DCC: variants seen among roughly 807,000 people sequenced by gnomAD.
DCC encodes the protein DCC netrin 1 receptor.
A neutral mutation model predicts 172.5 loss-of-function variants in DCC; 58 were observed. The observed-to-expected ratio is 0.34, with a 90% CI of 0.27 to 0.42. The LOEUF (loss-of-function observed/expected upper bound fraction) is 0.42. Among genes scored for constraint, DCC ranks in the 10% least tolerant of loss-of-function variants. The pLI is 1.00. For missense variants in DCC, 1,740 were observed against 1,791.0 expected, an observed-to-expected ratio of 0.97 and a Z score of 0.51; for synonymous variants, 709 against 644.5, an observed-to-expected ratio of 1.10 and a Z score of -1.52.
At chr18:53,039,063 C>A (rs564506028) in intron 5 of DCC, among the ~76,000 whole-genome samples, 1 of 152,088 alleles carries the variant, frequency 6.6e-6, no homozygotes, top group East Asian at 1.9e-4. Context: ...TTAACTGATT[C>A]ATTTCATCTT....
Position 52,906,433 on chromosome 18 carries a change from T to C in DCC, c.697+105T>C, listed in dbSNP as rs181871372. The C allele has an allele frequency of 3.0e-5, 35 of 1,172,098 alleles. No homozygotes were observed. The Admixed American group carries it at 5.3e-4, about 18-fold the overall frequency. The allele number at this position is 1,172,098 out of a possible 1,614,324, so 72.6% of individuals were successfully genotyped here. A position where few individuals can be genotyped will look rare whatever the true frequency, so the allele number is the denominator to read the frequency against. Reference sequence around the variant, plus strand: ...TTTGTAATTGTTATAAGTTCTGTATTGTTCATTGCGTTTTGTTTATTATTT... The same window carrying C: ...TTTGTAATTGTTATAAGTTCTGTATCGTTCATTGCGTTTTGTTTATTATTT... On this transcript the variant is annotated intron_variant, in intron 3 of 28. Coordinates refer to ENST00000442544, the MANE Select transcript of DCC (RefSeq NM_005215.4).
chr18:52,363,822 T>G (rs112876588), intron 1 of DCC, among the ~76,000 whole-genome samples: 5 of 152,212 alleles, frequency 3.3e-5, no homozygotes, highest in African/African-American at 9.7e-5. Context: ...TGAGTGACTA[T>G]GCCAATCAGC....
At chr18:53,034,075 C>T (rs1465106062) in intron 5 of DCC, among the ~76,000 whole-genome samples, 4 of 152,000 alleles carry the variant, frequency 2.6e-5, no homozygotes, top group African/African-American at 9.7e-5. Flanking sequence ...GTTCTCACTT[C>T]TCTTCTCTCT....
rs2046541638 is a variant in DCC at position 53,533,263 on chromosome 18, G to A, written c.*2610G>A. 6.6e-6 allele frequency: 1 copy of A among 152,086 alleles called. No homozygotes were observed. The highest frequency in any genetic ancestry group is 2.4e-5 in the African/African-American group (1 of 41,394). 9.4% of individuals were successfully genotyped at this position (152,086 alleles called of 1,614,324 possible). ...AGAAACCTGTGAATACTGCAAACTA[G>A]CCTCTGACTTCCTCCTACTGAGTCT... On this transcript the variant is annotated 3_prime_UTR_variant, in exon 29 of 29. Coordinates refer to ENST00000442544, the MANE Select transcript of DCC (RefSeq NM_005215.4).
intron 12 of DCC, among the ~76,000 whole-genome samples, chr18:53,260,890 G>T (rs770986113): frequency 6.6e-6 from 1 of 152,116 alleles, no homozygotes; most frequent in Non-Finnish European, 1.5e-5. Context: ...ACCTACTCAA[G>T]CCTCAGCAAT....
At chr18:53,060,981 C>T (rs1247455825) in intron 5 of DCC, among the ~76,000 whole-genome samples, 1 of 152,072 alleles carries the variant, frequency 6.6e-6, no homozygotes, top group African/African-American at 2.4e-5. Flanking sequence ...CATAAACAGA[C>T]ATACCACATT....
chr18:52,661,851 TAAG>T (rs2035366736), intron 1 of DCC, among the ~76,000 whole-genome samples: 2 of 152,086 alleles, frequency 1.3e-5, no homozygotes, highest in Admixed American at 6.5e-5. Flanking sequence ...TTGACAGAGA[TAAG>T]AAAATATTAA....
At chr18:53,405,523 A>C (rs1348512222) in intron 19 of DCC, among the ~76,000 whole-genome samples, 2 of 152,230 alleles carry the variant, frequency 1.3e-5, no homozygotes. Flanking sequence ...TTATTATTCC[A>C]GTTTGAAATC....
intron 7 of DCC, among the ~76,000 whole-genome samples, chr18:53,083,464 G>T (rs1048406014): frequency 6.6e-6 from 1 of 152,114 alleles, no homozygotes; most frequent in African/African-American, 2.4e-5. Context: ...AATACTAAAA[G>T]AATTTGTGAG....
chr18:53,481,498 A>T (rs2045831345), intron 25 of DCC, among the ~76,000 whole-genome samples: 1 of 152,192 alleles, frequency 6.6e-6, no homozygotes, highest in African/African-American at 2.4e-5. Context: ...AATGTGAAGG[A>T]GATATGAATA....
chr18:52,686,466 G>T (rs1159191495), intron 1 of DCC, among the ~76,000 whole-genome samples: 1 of 152,018 alleles, frequency 6.6e-6, no homozygotes, highest in African/African-American at 2.4e-5. Flanking sequence ...ACAGTATCTG[G>T]CAGTATTTGA....
intron 2 of DCC, among the ~76,000 whole-genome samples, chr18:52,773,019 T>C (rs1003355457): frequency 1.4e-4 from 22 of 152,224 alleles, no homozygotes; most frequent in Non-Finnish European, 2.8e-4. Context: ...TGTATGGCTA[T>C]AGCTATCATA....
At chr18:53,474,344 A>C (rs772293529) in intron 25 of DCC, among the ~76,000 whole-genome samples, 7 of 152,214 alleles carry the variant, frequency 4.6e-5, no homozygotes, top group Non-Finnish European at 8.8e-5. Flanking sequence ...CAATAAAGAA[A>C]CCTGATGCAT....
chr18:53,170,863 T>C (rs969141058), intron 8 of DCC, among the ~76,000 whole-genome samples: 7 of 152,072 alleles, frequency 4.6e-5, no homozygotes, highest in African/African-American at 1.7e-4. Flanking sequence ...ACATAGGCTT[T>C]TGAGGTTTGT....
chr18:52,911,894 T>C (rs999920904), intron 3 of DCC, among the ~76,000 whole-genome samples: 2 of 151,916 alleles, frequency 1.3e-5, no homozygotes, highest in East Asian at 3.9e-4. Context: ...TCATATATAC[T>C]GGAAAAAAAT....
intron 5 of DCC, among the ~76,000 whole-genome samples, chr18:52,977,729 C>A (rs554907685): frequency 1.1e-3 from 173 of 151,496 alleles, no homozygotes; most frequent in Non-Finnish European, 1.8e-3. Flanking sequence ...ACTAAAAATA[C>A]AAAAAATTAG....
At chr18:52,816,586 A>G (rs2038301893) in intron 2 of DCC, 1 of 152,200 alleles carries the variant, frequency 6.6e-6, no homozygotes, top group African/African-American at 2.4e-5. Flanking sequence ...CATTTACAGC[A>G]CTTTCTCATC....
chr18:52,789,929 C>A (rs551240163), intron 2 of DCC, among the ~76,000 whole-genome samples: 1 of 152,160 alleles, frequency 6.6e-6, no homozygotes, highest in Non-Finnish European at 1.5e-5. Context: ...GGAACCATGG[C>A]TCAGGAGTCA....
intron 27 of DCC, among the ~76,000 whole-genome samples, chr18:53,507,167 C>G (rs934515618): frequency 6.6e-6 from 1 of 150,782 alleles, no homozygotes; most frequent in Admixed American, 6.6e-5. Flanking sequence ...TTTAAGTATT[C>G]TAAGTAGTTG....
Sources: gnomAD v4.1 joint callset for allele counts (sites outside exome capture counted in the v4.1 genomes callset) on GRCh38, gnomAD v4.1.1 for gene constraint, MANE v1.5 for transcripts, NCBI Gene and HGNC (gene_info 2026-07-23, HGNC 2026-07-21) for gene names.